Variants in GTF2F2 observed in about 807,000 individuals in gnomAD.
GTF2F2 encodes ATP-dependent helicase GTF2F2.
Under a neutral mutation model 42.2 loss-of-function variants are expected in GTF2F2, and 23 were observed. The ratio of observed to expected loss-of-function variants is 0.55; its 90% CI spans 0.39 to 0.77. GTF2F2 has a LOEUF of 0.77. Among genes scored for constraint, GTF2F2 ranks in the 30% least tolerant of loss-of-function variants. The pLI, the probability that GTF2F2 is intolerant of heterozygous loss-of-function variation, is 0.00. For missense variants in GTF2F2, 261 were observed against 287.2 expected (o/e 0.91, Z 0.66); for synonymous variants, 105 against 100.8 (o/e 1.04, Z -0.25).
chr13:45,261,173 T>A (rs1269387602), intron 6 of GTF2F2, among the ~76,000 whole-genome samples: 1 of 152,068 alleles, frequency 6.6e-6, no homozygotes, highest in Non-Finnish European at 1.5e-5. Flanking sequence ...AAGCCAGTAA[T>A]CCCAGCACTT....
chr13:45,235,233 C>G (rs1160353754), intron 5 of GTF2F2, among the ~76,000 whole-genome samples: 1 of 151,682 alleles, frequency 6.6e-6, no homozygotes, highest in African/African-American at 2.4e-5. Flanking sequence ...TATTATATTA[C>G]CGGTAATTTC....
chr13:45,211,367 TTTTTTTG>T (rs1873632040), intron 5 of GTF2F2, among the ~76,000 whole-genome samples: 1 of 143,918 alleles, frequency 6.9e-6, no homozygotes, highest in South Asian at 2.1e-4. Context: ...GGCTCAAAAT[TTTTTTTG>T]TTTTTTTTTT....
chr13:45,281,207 C>T (rs1195145261), intron 7 of GTF2F2, among the ~76,000 whole-genome samples: 1 of 152,228 alleles, frequency 6.6e-6, no homozygotes. Flanking sequence ...AGGCAAGCCT[C>T]GGGGGAACCC....
At chr13:45,228,035 C>T (rs1874451471) in intron 5 of GTF2F2, among the ~76,000 whole-genome samples, 1 of 152,056 alleles carries the variant, frequency 6.6e-6, no homozygotes, top group South Asian at 2.1e-4. Context: ...CTTGCCCACC[C>T]CTCCTGTAGG....
At chr13:45,208,630 A>G (rs1419864505) in intron 5 of GTF2F2, among the ~76,000 whole-genome samples, 2 of 152,194 alleles carry the variant, frequency 1.3e-5, no homozygotes, top group African/African-American at 2.4e-5. Flanking sequence ...CCTGTTGGAT[A>G]TCAGCATTCT....
chr13:45,163,688 G>T (rs1202618460), intron 4 of GTF2F2, among the ~76,000 whole-genome samples: 1 of 152,000 alleles, frequency 6.6e-6, no homozygotes, highest in Non-Finnish European at 1.5e-5. Context: ...CTCATTCAAG[G>T]TTATAGTAGC....
intron 4 of GTF2F2, among the ~76,000 whole-genome samples, chr13:45,166,634 A>G (rs887342962): frequency 3.3e-5 from 5 of 152,230 alleles, no homozygotes; most frequent in Admixed American, 1.3e-4. Flanking sequence ...TCAATCCACT[A>G]TGACCAGACT....
Position 45,272,080 on chromosome 13 carries a change from ATTTTTATATTTTAAATATAAAT to A in GTF2F2, c.630+4720_630+4741del, listed in dbSNP as rs906305480. ...GAAATTTTTATTTTTAAATTTTTAT[ATTTTTATATTTTAAATATAAAT>A]TTTTTATATTTTAAAAAAAAGACAA... On this transcript the variant is annotated intron_variant, in intron 7 of 7. Coordinates refer to ENST00000340473, the MANE Select transcript of GTF2F2 (RefSeq NM_004128.3). 2.4e-4 allele frequency among the ~76,000 whole-genome samples: 36 copies of A among 149,354 alleles called. No individual in the cohort carries two copies. In the East Asian group the frequency reaches 5.3e-3, roughly 22 times the overall value.
intron 4 of GTF2F2, among the ~76,000 whole-genome samples, chr13:45,173,358 C>T (rs1871690816): frequency 7.2e-6 from 1 of 139,412 alleles, no homozygotes; most frequent in South Asian, 2.2e-4. Flanking sequence ...CCTAGTTTTA[C>T]TTGTACTTAA....
At chr13:45,186,100 G>A (rs143114382) in intron 4 of GTF2F2, among the ~76,000 whole-genome samples, 1,811 of 150,084 alleles carry the variant, frequency 0.012, 32 homozygotes, top group African/African-American at 0.037. Flanking sequence ...TCAGCCTCCC[G>A]AGTAGCTGGG....
intron 4 of GTF2F2, chr13:45,194,384 T>A (rs748525948): frequency 6.2e-7 from 1 of 1,614,176 alleles, no homozygotes; most frequent in South Asian, 1.1e-5. Context: ...CCATTTACTA[T>A]ACCTTCAAGG....
At chr13:45,138,945 C>T (rs965073449) in intron 2 of GTF2F2, among the ~76,000 whole-genome samples, 4 of 152,142 alleles carry the variant, frequency 2.6e-5, no homozygotes, top group Admixed American at 6.5e-5. Context: ...TGTGCCCGGC[C>T]GCGAGTGAAG....
intron 5 of GTF2F2, among the ~76,000 whole-genome samples, chr13:45,244,543 C>G (rs1875487632): frequency 6.6e-6 from 1 of 152,148 alleles, no homozygotes; most frequent in Non-Finnish European, 1.5e-5. Flanking sequence ...TAAACTTACT[C>G]TTTAGATAAT....
intron 4 of GTF2F2, among the ~76,000 whole-genome samples, chr13:45,181,039 G>A (rs185586399): frequency 6.6e-6 from 1 of 151,894 alleles, no homozygotes; most frequent in African/African-American, 2.4e-5. Context: ...GTACGTGCCG[G>A]TAGTGTAGTT....
At chr13:45,158,553 T>G (rs537699690) in intron 4 of GTF2F2, among the ~76,000 whole-genome samples, 6 of 152,332 alleles carry the variant, frequency 3.9e-5, no homozygotes, top group African/African-American at 1.4e-4. Flanking sequence ...TACCATACTT[T>G]CCTGCACAGT....
chr13:45,213,239 C>T (rs61158797), intron 5 of GTF2F2, among the ~76,000 whole-genome samples: 3,601 of 151,868 alleles, frequency 0.024, 42 homozygotes, highest in Middle Eastern at 0.031. Flanking sequence ...CCACCACGCC[C>T]GGCTAATTTT....
chr13:45,193,730 G>T, intron 4 of GTF2F2: 1 of 1,490,210 alleles, frequency 6.7e-7, no homozygotes, highest in South Asian at 1.3e-5. Context: ...CTTTGATGCT[G>T]TGGTTTTCCG....
rs183284916 is a variant in GTF2F2 at position 45,185,418 on chromosome 13, A to G, written c.305-22006A>G. On this transcript the variant is annotated intron_variant, in intron 4 of 7. Coordinates refer to ENST00000340473, the MANE Select transcript of GTF2F2 (RefSeq NM_004128.3). ...TGGCTGTGTTGTAACACCAACTTAT[A>G]ATATGTTGTAAACTTATACATATTG... is the stretch of plus-strand genomic sequence containing the variant. Among the ~76,000 whole-genome samples the G allele has an allele frequency of 2.0e-4, 30 of 151,668 alleles. 1 individual carries two copies. The highest frequency in any genetic ancestry group is 6.1e-4 in the African/African-American group (25 of 40,956).
intron 4 of GTF2F2, among the ~76,000 whole-genome samples, chr13:45,181,160 C>G (rs917921199): frequency 7.0e-6 from 1 of 142,390 alleles, no homozygotes; most frequent in Non-Finnish European, 1.5e-5. Context: ...GAGTGAGACC[C>G]TGTCTCAAAA....
Sources: allele counts gnomAD v4.1 joint callset (sites outside exome capture counted in the v4.1 genomes callset), GRCh38; gene constraint gnomAD v4.1.1; transcripts MANE v1.5; gene names NCBI Gene and HGNC (gene_info 2026-07-23, HGNC 2026-07-21).